The following ANKRD55 variants were observed in gnomAD, a reference collection of about 807,000 sequenced individuals.
The protein encoded by ANKRD55 is ankyrin repeat domain 55, also known as ankyrin repeat domain-containing protein 55.
A neutral mutation model predicts 60.6 loss-of-function variants in ANKRD55; 41 were observed. The ratio of observed to expected loss-of-function variants is 0.68; its 90% CI spans 0.53 to 0.88. The LOEUF is 0.88. Ranked by LOEUF, ANKRD55 falls within the 40% of genes least tolerant of loss-of-function variation. The pLI is 0.00. For missense variants in ANKRD55, 732 were observed against 767.6 expected (o/e 0.95, Z 0.55); for synonymous variants, 264 against 290.3 (o/e 0.91, Z 0.92).
At chr5:56,169,433 T>A (rs1758556363) in intron 5 of ANKRD55, among the ~76,000 whole-genome samples, 1 of 152,064 alleles carries the variant, frequency 6.6e-6, no homozygotes, top group African/African-American at 2.4e-5. Context: ...TCATTCTTTT[T>A]TTTTTTTTTC....
At chr5:56,125,192 T>G (rs1470482154) in intron 8 of ANKRD55, among the ~76,000 whole-genome samples, 1 of 152,226 alleles carries the variant, frequency 6.6e-6, no homozygotes, top group Non-Finnish European at 1.5e-5. Flanking sequence ...GTTAATTCAC[T>G]TTTTTCCTAA....
intron 8 of ANKRD55, among the ~76,000 whole-genome samples, chr5:56,121,995 TG>T (rs1245063403): frequency 9.2e-5 from 14 of 152,280 alleles, no homozygotes; most frequent in African/African-American, 3.4e-4. Context: ...CCTGTCCCAG[TG>T]GGTTTTTAAG....
intron 2 of ANKRD55, among the ~76,000 whole-genome samples, chr5:56,224,412 AT>A (rs932577602): frequency 1.2e-4 from 19 of 152,336 alleles, no homozygotes; most frequent in Admixed American, 7.8e-4. Context: ...ACACCCTAAC[AT>A]CACAACTAAA....
intron 5 of ANKRD55, among the ~76,000 whole-genome samples, chr5:56,165,441 T>C (rs949961372): frequency 9.9e-5 from 15 of 152,210 alleles, no homozygotes; most frequent in African/African-American, 3.6e-4. Flanking sequence ...ATAATGTTTA[T>C]GGTGTTTCTT....
At chr5:56,141,916 A>G (rs541588234) in intron 7 of ANKRD55, among the ~76,000 whole-genome samples, 1 of 152,278 alleles carries the variant, frequency 6.6e-6, no homozygotes, top group South Asian at 2.1e-4. Context: ...TTTATCAGTT[A>G]AGCCAAGCAA....
At chr5:56,182,971 G>GT (rs1461124170) in intron 3 of ANKRD55, among the ~76,000 whole-genome samples, 1 of 152,178 alleles carries the variant, frequency 6.6e-6, no homozygotes, top group Non-Finnish European at 1.5e-5. Context: ...GTCTGTGCCT[G>GT]TTGACATTTC....
intron 8 of ANKRD55, among the ~76,000 whole-genome samples, chr5:56,124,948 A>G (rs918947308): frequency 3.9e-5 from 6 of 152,210 alleles, no homozygotes; most frequent in African/African-American, 1.4e-4. Context: ...TGGATTGGAA[A>G]GGACTCTTCT....
intron 5 of ANKRD55, among the ~76,000 whole-genome samples, chr5:56,165,808 A>C (rs1436371638): frequency 1.3e-5 from 2 of 152,132 alleles, no homozygotes; most frequent in Admixed American, 1.3e-4. Context: ...GCGTGTCTGT[A>C]ATCCCAGCTA....
chr5:56,180,663 A>G (rs1298884012), intron 3 of ANKRD55, among the ~76,000 whole-genome samples: 2 of 152,174 alleles, frequency 1.3e-5, no homozygotes, highest in Non-Finnish European at 2.9e-5. Context: ...AGTTCTGTAC[A>G]TATTTTATTG....
intron 2 of ANKRD55, among the ~76,000 whole-genome samples, chr5:56,215,907 T>A (rs1168956555): frequency 6.6e-6 from 1 of 151,944 alleles, no homozygotes; most frequent in African/African-American, 2.4e-5. Context: ...CCTGTTTCTC[T>A]TTGGAGGTGA....
intron 8 of ANKRD55, among the ~76,000 whole-genome samples, chr5:56,118,630 T>TAAATAAAATAAAATAAAATA (rs145664184): frequency 2.5e-4 from 37 of 149,270 alleles, no homozygotes; most frequent in African/African-American, 8.9e-4. Flanking sequence ...TCTCAAAAAA[T>TAAATAAAATAAAATAAAATA]AAATAAAATA....
intron 2 of ANKRD55, among the ~76,000 whole-genome samples, chr5:56,183,898 T>C (rs908789097): frequency 1.3e-5 from 2 of 152,200 alleles, no homozygotes; most frequent in Admixed American, 1.3e-4. Flanking sequence ...TTTCCAGGCA[T>C]TCAGGCTTCT....
At chr5:56,201,438 T>A (rs937598715) in intron 2 of ANKRD55, among the ~76,000 whole-genome samples, 2 of 152,206 alleles carry the variant, frequency 1.3e-5, no homozygotes, top group Non-Finnish European at 2.9e-5. Flanking sequence ...ATTAGTCTCA[T>A]GTGACTTTTT....
At chr5:56,151,971 C>T (rs539419850) in intron 6 of ANKRD55, among the ~76,000 whole-genome samples, 1 of 147,270 alleles carries the variant, frequency 6.8e-6, no homozygotes, top group Non-Finnish European at 1.5e-5. Flanking sequence ...AATTTTTGTG[C>T]CTCACTAAAG....
intron 10 of ANKRD55, among the ~76,000 whole-genome samples, chr5:56,110,824 G>C (rs1756667562): frequency 6.6e-6 from 1 of 152,204 alleles, no homozygotes; most frequent in Admixed American, 6.5e-5. Context: ...ATCCTTGCTA[G>C]TGGAAATAGT....
chr5:56,134,452 G>A lies in ANKRD55; in HGVS notation c.613-7346C>T, dbSNP rs111629108. Among the ~76,000 whole-genome samples, 5 of 110,596 alleles carry A rather than the reference G, an allele frequency of 4.5e-5. 1 individual carries two copies. The highest frequency in any genetic ancestry group is 6.0e-4 in the South Asian group (2 of 3,342). The allele number at this position is 110,596 out of a possible 152,430, so 72.6% of individuals were successfully genotyped here. On this transcript the variant is annotated intron_variant, in intron 7 of 11. Coordinates refer to ENST00000341048, the MANE Select transcript of ANKRD55 (RefSeq NM_024669.3). ...AAATTAGCCTGGCGTGGTGGCAGGC[G>A]CCTGTAATCCCAGCTACTTGGGAAG...
intron 3 of ANKRD55, among the ~76,000 whole-genome samples, chr5:56,182,142 G>C (rs1460158470): frequency 3.3e-5 from 5 of 152,144 alleles, no homozygotes; most frequent in Admixed American, 6.5e-5. Context: ...AGGTGAGGTG[G>C]CTCATATCTA....
At chr5:56,119,004 A>G (rs1756961945) in intron 8 of ANKRD55, among the ~76,000 whole-genome samples, 1 of 152,222 alleles carries the variant, frequency 6.6e-6, no homozygotes. Flanking sequence ...TGCTCTGGAA[A>G]ATAATTTAGC....
At position 56,166,053 on chromosome 5, in the gene ANKRD55, C is replaced by A. The variant is rs116246579; in HGVS notation, c.422+4641G>T. On this transcript the variant is annotated intron_variant, in intron 5 of 11. Coordinates refer to ENST00000341048, the MANE Select transcript of ANKRD55 (RefSeq NM_024669.3). ...TCTGACTCATACTCATGAGCTGGCA[C>A]TCCTGGCCACCCTTCAGGGATCTTT... Among the ~76,000 whole-genome samples the A allele has an allele frequency of 6.7e-3, 1,013 of 151,976 alleles. 10 individuals are homozygous for A. The highest frequency in any genetic ancestry group is 0.023 in the African/African-American group (957 of 41,404).
Sources: gnomAD v4.1 joint callset for allele counts (sites outside exome capture counted in the v4.1 genomes callset) on GRCh38, gnomAD v4.1.1 for gene constraint, MANE v1.5 for transcripts, NCBI Gene and HGNC (gene_info 2026-07-23, HGNC 2026-07-21) for gene names.